Variants in SLC6A17 observed in about 807,000 individuals in gnomAD.
SLC6A17 encodes solute carrier family 6 member 17, also known as sodium-dependent neutral amino acid transporter SLC6A17.
In SLC6A17, 21 loss-of-function variants were observed where a neutral mutation model predicts 64.5. The ratio of observed to expected loss-of-function variants is 0.33; its 90% CI spans 0.23 to 0.47. The LOEUF (loss-of-function observed/expected upper bound fraction) is 0.47, where lower values mean the gene tolerates loss of function less well. SLC6A17 is among the 20% of genes least tolerant of loss of function. The pLI, the probability that SLC6A17 is intolerant of heterozygous loss-of-function variation, is 1.00. For missense variants in SLC6A17, 682 were observed against 963.2 expected (o/e 0.71, Z 3.86); for synonymous variants, 372 against 399.5 (o/e 0.93, Z 0.82).
In SLC6A17 at chr1:110,192,288, A is replaced by G; in HGVS notation, c.1106+75A>G. ...TGGGAGTGGGCAGGGGTGGGGGCGC[A>G]GGTGTGCATGGGGAGAGAGGTCCCC... On this transcript the variant is annotated intron_variant, in intron 7 of 11. Transcript: ENST00000331565. The surrounding 1 kb of genome is among the most constrained non-coding windows in gnomAD (Gnocchi z 4.3). 5.1e-6 allele frequency: 8 copies of G among 1,556,370 alleles called. No homozygotes were observed. Among genetic ancestry groups the G allele is most frequent in the Non-Finnish European group, 7.0e-6 (8 of 1,147,728 alleles).
At chr1:110,182,011 C>T (rs1038432258) in intron 6 of SLC6A17, among the ~76,000 whole-genome samples, 7 of 152,174 alleles carry the variant, frequency 4.6e-5, no homozygotes, top group Middle Eastern at 3.4e-3. Flanking sequence ...CTTCTTAGGA[C>T]GATCATTCTA....
At chr1:110,183,819 T>G (rs1267478678) in intron 6 of SLC6A17, among the ~76,000 whole-genome samples, 2 of 151,736 alleles carry the variant, frequency 1.3e-5, no homozygotes, top group African/African-American at 4.8e-5. Context: ...TTTTTCGCAG[T>G]GAAGTAGGAG....
chr1:110,194,892 G>A, intron 9 of SLC6A17, 121 bp downstream of exon 9: 1 of 1,202,128 alleles, frequency 8.3e-7, no homozygotes, highest in Non-Finnish European at 1.2e-6. Flanking sequence ...CCCCACACTG[G>A]GACACAGCTG....
At chr1:110,187,337 A>C (rs960223220) in intron 6 of SLC6A17, among the ~76,000 whole-genome samples, 1 of 152,252 alleles carries the variant, frequency 6.6e-6, no homozygotes, top group African/African-American at 2.4e-5. Context: ...AAAGTGACTT[A>C]CGGAAGATGG....
intron 6 of SLC6A17, among the ~76,000 whole-genome samples, chr1:110,188,840 C>T (rs1230041858): frequency 6.6e-6 from 1 of 152,176 alleles, no homozygotes; most frequent in Non-Finnish European, 1.5e-5. Flanking sequence ...CCATTTCCTC[C>T]CCTCTGCCTC....
intron 1 of SLC6A17, among the ~76,000 whole-genome samples, chr1:110,158,360 C>T (rs962900144): frequency 1.3e-5 from 2 of 152,190 alleles, no homozygotes. Flanking sequence ...AGAACTGAGC[C>T]CCAGTATCCC....
rs1220845567 is a variant in SLC6A17 at position 110,199,370 on chromosome 1, T to C, written c.*926T>C. On this transcript the variant is annotated 3_prime_UTR_variant, in exon 12 of 12. Transcript: ENST00000331565. ...TGGTTCCTAGCACAAATTAGATGGT[T>C]TGGAGCACAATGGTGAAGCACACTC... 1 of 152,254 alleles carries C rather than the reference T, an allele frequency of 6.6e-6. No individual in the cohort carries two copies. Among genetic ancestry groups the C allele is most frequent in the East Asian group, 1.9e-4 (1 of 5,180 alleles). 9.4% of individuals were successfully genotyped at this position (152,254 alleles called of 1,614,324 possible). A position where few individuals can be genotyped will look rare whatever the true frequency, so the allele number is the denominator to read the frequency against.
Position 110,177,037 on chromosome 1 carries a change from T to A in SLC6A17, c.864+298T>A, listed in dbSNP as rs529010490. ...AGTGAGCTGCCATAGGACATTATAA[T>A]CAAAGGGAACTGCATGAGCAAGGGT... On this transcript the variant is annotated intron_variant, in intron 6 of 11. Coordinates refer to ENST00000331565, the MANE Select transcript of SLC6A17 (RefSeq NM_001010898.4). Among the ~76,000 whole-genome samples, 143 of 152,258 alleles carry A rather than the reference T, an allele frequency of 9.4e-4. 4 individuals are homozygous for A. In the South Asian group the frequency reaches 0.028, roughly 30 times the overall value.
Position 110,200,323 on chromosome 1 carries a change from C to T in SLC6A17, c.*1879C>T. ...GTGTTTGAGGGGAGAGAGAGACCCA[C>T]ATCTCCCCAAAGAGATGAGCTTTTG... On this transcript the variant is annotated 3_prime_UTR_variant, in exon 12 of 12. Coordinates refer to ENST00000331565, the MANE Select transcript of SLC6A17 (RefSeq NM_001010898.4). 2.6e-6 allele frequency: 1 copy of T among 380,926 alleles called. No individual in the cohort carries two copies. The highest frequency in any genetic ancestry group is 4.6e-6 in the Non-Finnish European group (1 of 215,354). 23.6% of individuals were successfully genotyped at this position (380,926 alleles called of 1,614,324 possible).
chr1:110,198,169 G>A lies in SLC6A17; in HGVS notation c.1909G>A (p.Val637Ile), dbSNP rs201932342. 5.0e-5 allele frequency: 80 copies of A among 1,614,044 alleles called. No individual in the cohort carries two copies. Among genetic ancestry groups the A allele is most frequent in the South Asian group, 2.6e-4 (24 of 91,064 alleles). ...VATLPIPVVFVLRHFHLLSDG... is the reference protein window; with the variant it reads ...VATLPIPVVFILRHFHLLSDG... ...GACGCTGCCCATCCCTGTGGTGTTC[G>A]TCCTGCGGCACTTCCACCTGCTCTC... The change falls in exon 12 of 12, where the codon GTC (valine) becomes ATC (isoleucine). Residue 637 changes from valine (V) to isoleucine (I), a missense_variant. Val to Ile is a conservative substitution (Grantham distance 29, BLOSUM62 3). Transcript: ENST00000331565.
At chr1:110,176,928 T>C (rs556683768) in intron 6 of SLC6A17, among the ~76,000 whole-genome samples, 189 bp downstream of exon 6, 1 of 152,278 alleles carries the variant, frequency 6.6e-6, no homozygotes, top group Middle Eastern at 3.4e-3. Context: ...AGGAGAGGCG[T>C]GTCACATCGA....
chr1:110,195,960 G>T (rs1177016103), intron 10 of SLC6A17, among the ~76,000 whole-genome samples: 1 of 152,230 alleles, frequency 6.6e-6, no homozygotes, highest in African/African-American at 2.4e-5. Context: ...CCTGGGTGCA[G>T]GTCCTGGCAT....
intron 8 of SLC6A17, among the ~76,000 whole-genome samples, chr1:110,193,921 C>G (rs1216404941): frequency 6.6e-6 from 1 of 152,202 alleles, no homozygotes; most frequent in African/African-American, 2.4e-5. Flanking sequence ...AATCACTGAA[C>G]ATTACAGGGC....
Position 110,200,383 on chromosome 1 carries a change from A to T in SLC6A17, c.*1939A>T. On this transcript the variant is annotated 3_prime_UTR_variant, in exon 12 of 12. Transcript: ENST00000331565. Reference sequence around the variant, plus strand: ...ATCCCACCGCAGTCCCCCTCACCCGACAACACCTCCTACCTGGCCCCTTGC... The same window carrying T: ...ATCCCACCGCAGTCCCCCTCACCCGTCAACACCTCCTACCTGGCCCCTTGC... 3.1e-6 allele frequency: 1 copy of T among 321,378 alleles called. No individual in the cohort carries two copies. Among genetic ancestry groups the T allele is most frequent in the Non-Finnish European group, 5.6e-6 (1 of 177,440 alleles). 19.9% of individuals were successfully genotyped at this position (321,378 alleles called of 1,614,324 possible).
intron 1 of SLC6A17, among the ~76,000 whole-genome samples, chr1:110,157,588 T>A (rs1450864476): frequency 6.6e-6 from 1 of 151,582 alleles, no homozygotes; most frequent in Non-Finnish European, 1.5e-5. Flanking sequence ...AATAAATAAA[T>A]AAAAATAAAA....
In SLC6A17 at chr1:110,192,349, C is replaced by T. The variant is rs935509296; in HGVS notation, c.1106+136C>T. 11 of 1,460,570 alleles carry T rather than the reference C, an allele frequency of 7.5e-6. No homozygotes were observed. In the African/African-American group the frequency reaches 1.6e-4, roughly 21 times the overall value. 90.5% of individuals were successfully genotyped at this position (1,460,570 alleles called of 1,614,324 possible). On this transcript the variant is annotated intron_variant, in intron 7 of 11. Transcript: ENST00000331565. This position sits in a 1 kb window ranked among gnomAD's most constrained non-coding sequence, Gnocchi z 4.3. ...CTGAGGAATGGAGATCAGAGGAGCA[C>T]TCTCTGTCCCCAGCTCCGGGCCACA... is the stretch of plus-strand genomic sequence containing the variant.
intron 6 of SLC6A17, among the ~76,000 whole-genome samples, chr1:110,184,030 G>A (rs568043867): frequency 6.6e-6 from 1 of 152,270 alleles, no homozygotes; most frequent in Non-Finnish European, 1.5e-5. Flanking sequence ...CTCCAAGATA[G>A]ACAGTTTTTC....
At position 110,166,886 on chromosome 1, in the gene SLC6A17, C is replaced by G; in HGVS notation, c.-44C>G. ...GCTGACAGCAGCTGAATTCCATCTT[C>G]TCTGTGTGCTGGGGAGCAGGGCTAC... On this transcript the variant is annotated 5_prime_UTR_variant, in exon 2 of 12. Transcript: ENST00000331565. The G allele has an allele frequency of 3.2e-6, 5 of 1,553,738 alleles. No homozygotes were observed. The highest frequency in any genetic ancestry group is 4.4e-6 in the Non-Finnish European group (5 of 1,146,404).
chr1:110,191,941 T>G (rs200840043), intron 6 of SLC6A17, 31 bp from the exon 7 acceptor site: 28 of 1,603,540 alleles, frequency 1.7e-5, no homozygotes, highest in Non-Finnish European at 2.4e-5. Context: ...TGTGTCTCTT[T>G]TCTTCCTCCT....
Sources: gnomAD v4.1 joint callset for allele counts (sites outside exome capture counted in the v4.1 genomes callset) on GRCh38, gnomAD v4.1.1 for gene constraint, Gnocchi (gnomAD v3.1) non-coding constraint, MANE v1.5 for transcripts, NCBI Gene and HGNC (gene_info 2026-07-23, HGNC 2026-07-21) for gene names.